Variants in EXD3 observed in about 807,000 individuals in gnomAD.
EXD3 encodes exonuclease 3'-5' domain containing 3, also known as exonuclease mut-7 homolog.
Under a neutral mutation model 98.0 loss-of-function variants are expected in EXD3, and 92 were observed. The ratio of observed to expected loss-of-function variants is 0.94; its 90% CI spans 0.79 to 1.12. The LOEUF is 1.12. Among genes scored for constraint, EXD3 ranks in the 50% most tolerant of loss-of-function variants. The probability of loss-of-function intolerance (pLI) is 0.00; values close to 1 mark genes in which losing one functional copy is unlikely to be tolerated. For missense variants in EXD3, 1,222 were observed against 1,191.6 expected (o/e 1.03, Z -0.38); for synonymous variants, 569 against 526.0 (o/e 1.08, Z -1.12).
chr9:137,345,714 A>C (rs1833896782), intron 17 of EXD3: 1 of 151,976 alleles, frequency 6.6e-6, no homozygotes, highest in Non-Finnish European at 1.5e-5. Flanking sequence ...AAAGCTCCAT[A>C]GAAGCCAAAA....
chr9:137,340,187 T>A (rs1242195519), intron 17 of EXD3, among the ~76,000 whole-genome samples: 1 of 152,146 alleles, frequency 6.6e-6, no homozygotes, highest in African/African-American at 2.4e-5. Context: ...ATTAAATGTG[T>A]TTGAAAGAGG....
intron 17 of EXD3, among the ~76,000 whole-genome samples, chr9:137,346,217 A>C (rs952365705): frequency 6.1e-5 from 8 of 130,774 alleles, no homozygotes; most frequent in Non-Finnish European, 1.1e-4. Context: ...CCGGGCTGGG[A>C]GACAGAGCAA....
At chr9:137,355,671 G>GGAGGAAGGAGGAAGGAGGAA (rs1564509096) in intron 8 of EXD3, among the ~76,000 whole-genome samples, 1 of 19,072 alleles carries the variant, frequency 5.2e-5, no homozygotes, top group Non-Finnish European at 1.1e-4. Context: ...GAAGGAGAAA[G>GGAGGAAGGAGGAAGGAGGAA]GGAGGATGGA....
At chr9:137,408,208 C>T (rs1181888742) in intron 1 of EXD3, among the ~76,000 whole-genome samples, 6 of 152,084 alleles carry the variant, frequency 3.9e-5, no homozygotes, top group East Asian at 1.9e-4. Context: ...AACATTTGGC[C>T]GGCCCTGCAC....
At chr9:137,382,771 G>A (rs190472271) in intron 3 of EXD3, among the ~76,000 whole-genome samples, 12 of 152,242 alleles carry the variant, frequency 7.9e-5, no homozygotes, top group Non-Finnish European at 1.0e-4. Context: ...CAGAGGACGC[G>A]GCACTCAGGA....
At chr9:137,376,614 C>T (rs1169852467) in intron 3 of EXD3, among the ~76,000 whole-genome samples, 7 of 152,048 alleles carry the variant, frequency 4.6e-5, no homozygotes, top group South Asian at 2.1e-4. Context: ...CCCACCTGCT[C>T]GCTTCCTCCC....
At chr9:137,314,270 G>C (rs940134602) in intron 19 of EXD3, among the ~76,000 whole-genome samples, 3 of 152,230 alleles carry the variant, frequency 2.0e-5, no homozygotes, top group Non-Finnish European at 2.9e-5. Context: ...CCGCCCCAAA[G>C]GTGACCCGAC....
rs1837153673 is a variant in EXD3 at position 137,395,299 on chromosome 9, T to C, written c.55+4A>G. 6.2e-7 allele frequency: 1 copy of C among 1,611,308 alleles called. No individual in the cohort carries two copies. ...AGACTCGGCACCATCAGGCTCAGACTCACCCATGCGGTGGCGCTCGCCAGC... is the reference window on the plus strand; with the variant it reads ...AGACTCGGCACCATCAGGCTCAGACCCACCCATGCGGTGGCGCTCGCCAGC... On this transcript the variant is annotated splice_donor_region_variant and intron_variant, in intron 2 of 21. Transcript: ENST00000340951. This position sits in a 1 kb window ranked among gnomAD's most constrained non-coding sequence, Gnocchi z 6.5.
At chr9:137,419,044 G>C (rs1191318372) in intron 1 of EXD3, among the ~76,000 whole-genome samples, 1 of 151,928 alleles carries the variant, frequency 6.6e-6, no homozygotes, top group Non-Finnish European at 1.5e-5. Flanking sequence ...AACTAACTTG[G>C]ATATAACAAA....
rs1248318233 is a variant in EXD3, at chr9:137,330,466, ACTACAAAGGAGCTACACAGGAG to A, written c.1999-6345_1999-6324del. Among the ~76,000 whole-genome samples, 429 of 132,800 alleles carry A rather than the reference ACTACAAAGGAGCTACACAGGAG, an allele frequency of 3.2e-3. 31 individuals carry two copies. Among genetic ancestry groups the A allele is most frequent in the East Asian group, 0.01 (39 of 3,864 alleles). The allele number at this position is 132,800 out of a possible 152,430, so 87.1% of individuals were successfully genotyped here. Reference sequence around the variant, plus strand: ...CAGGACTACACAGGAGCTACACAGGACTACAAAGGAGCTACACAGGAGCTACACAGGAGCTACACAGGACTAC... The same window carrying A: ...CAGGACTACACAGGAGCTACACAGGACTACACAGGAGCTACACAGGACTAC... On this transcript the variant is annotated intron_variant, in intron 17 of 21. Coordinates refer to ENST00000340951, the MANE Select transcript of EXD3 (RefSeq NM_017820.5).
intron 1 of EXD3, among the ~76,000 whole-genome samples, chr9:137,411,075 G>A (rs1390981037): frequency 6.6e-6 from 1 of 152,222 alleles, no homozygotes; most frequent in Non-Finnish European, 1.5e-5. Flanking sequence ...GTGGGCATAG[G>A]CTGGCACCTC....
intron 7 of EXD3, among the ~76,000 whole-genome samples, chr9:137,356,915 C>T (rs1444150192): frequency 1.3e-5 from 2 of 152,202 alleles, no homozygotes; most frequent in Non-Finnish European, 2.9e-5. Flanking sequence ...CCTCCGACCT[C>T]CAGGTAGTGG....
At chr9:137,345,412 A>T (rs1833865916) in intron 17 of EXD3, among the ~76,000 whole-genome samples, 1 of 152,218 alleles carries the variant, frequency 6.6e-6, no homozygotes, top group Non-Finnish European at 1.5e-5. Flanking sequence ...CTGTAATCTC[A>T]GCACTTCGGG....
chr9:137,317,174 C>T (rs915736771), intron 19 of EXD3, among the ~76,000 whole-genome samples: 4 of 152,116 alleles, frequency 2.6e-5, no homozygotes, highest in African/African-American at 9.7e-5. Context: ...TCTGTAGCTG[C>T]GGGCAGGGGA....
intron 17 of EXD3, among the ~76,000 whole-genome samples, chr9:137,331,016 T>G (rs1283062595): frequency 2.6e-5 from 4 of 152,158 alleles, no homozygotes; most frequent in Non-Finnish European, 4.4e-5. Flanking sequence ...AAGTTGACCC[T>G]GCAAACGGAA....
rs548078740 is a variant in EXD3, at chr9:137,352,048, A to G, written c.1173+18T>C. ...GGATCCCACCACCGGGCGCTGCCCC[A>G]GCGGCCGAGGGAACCACCTGCAGGA... is the stretch of plus-strand genomic sequence containing the variant. On this transcript the variant is annotated intron_variant, in intron 12 of 21. Transcript: ENST00000340951. 6 of 1,601,712 alleles carry G rather than the reference A, an allele frequency of 3.7e-6. No individual in the cohort carries two copies. In the African/African-American group the frequency reaches 5.3e-5, roughly 14 times the overall value.
At position 137,349,526 on chromosome 9, in the gene EXD3, C is replaced by T. The variant is rs1834141367; in HGVS notation, c.1500G>A (p.Arg500=). ...MDLLLVHRQM[R]VASVPAPAVD... is the part of the protein sequence containing the mutation. ...CGGCTGGGGCTGGCACGCTCGCCACCCGCATCTGCTAAGACAGTGCCCTGC... is the reference window on the plus strand; with the variant it reads ...CGGCTGGGGCTGGCACGCTCGCCACTCGCATCTGCTAAGACAGTGCCCTGC... The change falls in exon 15 of 22, where the codon CGG becomes CGA. Residue 500 remains arginine (R), a synonymous_variant. Coordinates refer to ENST00000340951, the MANE Select transcript of EXD3 (RefSeq NM_017820.5). The surrounding 1 kb of genome is among the most constrained non-coding windows in gnomAD (Gnocchi z 7.4). The T allele has an allele frequency of 1.3e-6, 2 of 1,588,918 alleles. No homozygotes were observed. Among genetic ancestry groups the T allele is most frequent in the African/African-American group, 1.3e-5 (1 of 74,410 alleles).
chr9:137,307,816 C>G (rs1380266351), intron 20 of EXD3, among the ~76,000 whole-genome samples, 170 bp from the exon 21 acceptor site: 1 of 152,190 alleles, frequency 6.6e-6, no homozygotes, highest in Non-Finnish European at 1.5e-5. Flanking sequence ...GGCCAAGGAG[C>G]TGTGGTACCG....
At chr9:137,329,572 CGGGGCTACACGGGACTACA>C (rs1832829964) in intron 17 of EXD3, among the ~76,000 whole-genome samples, 1 of 41,938 alleles carries the variant, frequency 2.4e-5, no homozygotes, top group African/African-American at 1.3e-4. Flanking sequence ...CGGGACTACA[CGGGGCTACACGGGACTACA>C]CGGGACTACA....
Sources: gnomAD v4.1 joint callset for allele counts (sites outside exome capture counted in the v4.1 genomes callset) on GRCh38, gnomAD v4.1.1 for gene constraint, Gnocchi (gnomAD v3.1) non-coding constraint, MANE v1.5 for transcripts, NCBI Gene and HGNC (gene_info 2026-07-23, HGNC 2026-07-21) for gene names.